Variants in ZFPM2 observed in about 807,000 individuals in gnomAD.
The protein encoded by ZFPM2 is zinc finger protein, FOG family member 2.
ZFPM2 carries 20 observed loss-of-function variants against 98.6 expected under a neutral mutation model. The observed-to-expected ratio is 0.20, with a 90% CI of 0.14 to 0.29. ZFPM2 has a LOEUF of 0.29. Ranked by LOEUF, ZFPM2 falls within the 10% of genes least tolerant of loss-of-function variation. The pLI is 1.00. For missense variants in ZFPM2, 1,310 were observed against 1,388.6 expected (o/e 0.94, Z 0.90); for synonymous variants, 518 against 502.7 (o/e 1.03, Z -0.41).
intron 3 of ZFPM2, among the ~76,000 whole-genome samples, chr8:105,491,374 A>T (rs1308523512): frequency 2.0e-5 from 3 of 152,196 alleles, no homozygotes; most frequent in Non-Finnish European, 4.4e-5. Context: ...GTGGTATTCA[A>T]TTATGCAATT....
chr8:105,779,774 C>G (rs577372366), intron 5 of ZFPM2, among the ~76,000 whole-genome samples: 1 of 152,146 alleles, frequency 6.6e-6, no homozygotes, highest in African/African-American at 2.4e-5. Context: ...GTCTGCATGA[C>G]ATTGTGCAGA....
At chr8:105,507,477 T>C (rs771457072) in intron 3 of ZFPM2, among the ~76,000 whole-genome samples, 19 of 152,238 alleles carry the variant, frequency 1.2e-4, no homozygotes, top group Non-Finnish European at 2.2e-4. Flanking sequence ...CTTAATCCAG[T>C]TGGGCCTCAC....
rs377340726 is a variant in ZFPM2, at chr8:105,419,244, C to G, written c.141C>G (p.Ser47=). 6.2e-7 allele frequency: 1 copy of G among 1,613,482 alleles called. No individual in the cohort carries two copies. The highest frequency in any genetic ancestry group is 1.1e-5 in the South Asian group (1 of 91,032). Residue 47 remains serine, a synonymous_variant, in exon 2 of 8, where the codon TCC becomes TCG. Transcript: ENST00000407775. ...KGDFPLEESF[S]TEFGPENLSC... is the part of the protein sequence containing the mutation. The stretch of plus-strand genomic sequence containing the variant: ...ACTTTCCATTGGAGGAAAGCTTTTC[C>G]ACAGAATTTGGGCCTGAAAATCTGA...
chr8:105,351,184 A>G (rs1812635749), intron 1 of ZFPM2, among the ~76,000 whole-genome samples: 1 of 151,830 alleles, frequency 6.6e-6, no homozygotes, highest in African/African-American at 2.4e-5. Flanking sequence ...AAAAAAAAAA[A>G]AAGAAAAAAA....
At chr8:105,449,234 G>A (rs1812438832) in intron 3 of ZFPM2, among the ~76,000 whole-genome samples, 1 of 151,978 alleles carries the variant, frequency 6.6e-6, no homozygotes, top group Non-Finnish European at 1.5e-5. Flanking sequence ...GCTTATAGCA[G>A]CTATAATTGA....
intron 3 of ZFPM2, among the ~76,000 whole-genome samples, chr8:105,472,467 C>A (rs1436383893): frequency 6.6e-6 from 1 of 152,108 alleles, no homozygotes; most frequent in Non-Finnish European, 1.5e-5. Context: ...AGATCACTGA[C>A]CTCTGACTTC....
At chr8:105,355,330 T>G (rs1482888314) in intron 1 of ZFPM2, among the ~76,000 whole-genome samples, 1 of 152,146 alleles carries the variant, frequency 6.6e-6, no homozygotes, top group Non-Finnish European at 1.5e-5. Context: ...TGCTAAGGAG[T>G]TTTGCACTGA....
At chr8:105,714,364 G>A (rs1228648380) in intron 5 of ZFPM2, among the ~76,000 whole-genome samples, 1 of 151,882 alleles carries the variant, frequency 6.6e-6, no homozygotes, top group Non-Finnish European at 1.5e-5. Flanking sequence ...GGAACCTTTT[G>A]GCAGAGTCTT....
At chr8:105,514,130 G>A (rs1813870108) in intron 3 of ZFPM2, among the ~76,000 whole-genome samples, 1 of 151,548 alleles carries the variant, frequency 6.6e-6, no homozygotes, top group South Asian at 2.1e-4. Context: ...AGCCTCCTGA[G>A]TAGCTGGGAT....
intron 5 of ZFPM2, among the ~76,000 whole-genome samples, chr8:105,648,548 T>A (rs1372520773): frequency 6.6e-6 from 1 of 152,196 alleles, no homozygotes; most frequent in African/African-American, 2.4e-5. Flanking sequence ...TTGAATTAAT[T>A]TTTATGTAAG....
At chr8:105,581,946 C>G (rs577236099) in intron 4 of ZFPM2, among the ~76,000 whole-genome samples, 1 of 152,294 alleles carries the variant, frequency 6.6e-6, no homozygotes, top group South Asian at 2.1e-4. Flanking sequence ...CTGTTTAACT[C>G]TGACACTCCT....
chr8:105,730,692 A>G (rs555934077), intron 5 of ZFPM2, among the ~76,000 whole-genome samples: 2 of 151,276 alleles, frequency 1.3e-5, no homozygotes, highest in African/African-American at 4.9e-5. Context: ...TACACACAGT[A>G]TATTAAAGGC....
At chr8:105,338,970 G>C (rs1409614294) in intron 1 of ZFPM2, among the ~76,000 whole-genome samples, 1 of 151,828 alleles carries the variant, frequency 6.6e-6, no homozygotes, top group Non-Finnish European at 1.5e-5. Flanking sequence ...TAGACCAGCA[G>C]AGTGGGGCAG....
intron 1 of ZFPM2, among the ~76,000 whole-genome samples, chr8:105,363,555 T>G (rs966456908): frequency 4.6e-5 from 7 of 152,160 alleles, no homozygotes; most frequent in Non-Finnish European, 1.0e-4. Context: ...ACACTTCATA[T>G]TAGACTCAGA....
chr8:105,673,187 CT>C (rs5893754), intron 5 of ZFPM2, among the ~76,000 whole-genome samples: 1,326 of 87,488 alleles, frequency 0.015, 23 homozygotes, highest in African/African-American at 0.057. Context: ...AAATAGCATG[CT>C]TTTTTTTTTT....
Position 105,459,654 on chromosome 8 carries a change from G to A in ZFPM2, c.301+15273G>A, listed in dbSNP as rs530189378. ...GCTTCCAGATGGCTGTCTTCTTGCT[G>A]CATCCTCGCCTTACTTTTTCTGCGT... is the stretch of plus-strand genomic sequence containing the variant. On this transcript the variant is annotated intron_variant, in intron 3 of 7. Coordinates refer to ENST00000407775, the MANE Select transcript of ZFPM2 (RefSeq NM_012082.4). Among the ~76,000 whole-genome samples the A allele has an allele frequency of 1.2e-4, 18 of 152,248 alleles. No homozygotes were observed. In the South Asian group the frequency reaches 3.7e-3, roughly 32 times the overall value.
Position 105,643,296 on chromosome 8 carries a change from A to G in ZFPM2, c.532+8939A>G, listed in dbSNP as rs77898863. On this transcript the variant is annotated intron_variant, in intron 5 of 7. Coordinates refer to ENST00000407775, the MANE Select transcript of ZFPM2 (RefSeq NM_012082.4). ...TTTTTCAACACCAAATGAACCTGCA[A>G]TCTACTCACTGCATCACCATCGTTT... Among the ~76,000 whole-genome samples the G allele has an allele frequency of 5.5e-3, 842 of 152,240 alleles. 5 individuals are homozygous for G. The highest frequency in any genetic ancestry group is 0.016 in the African/African-American group (646 of 41,538).
intron 3 of ZFPM2, among the ~76,000 whole-genome samples, chr8:105,481,043 C>T (rs779785057): frequency 7.9e-5 from 12 of 152,122 alleles, no homozygotes; most frequent in Non-Finnish European, 1.8e-4. Flanking sequence ...AGCCACCATG[C>T]CTGGCTGGGA....
chr8:105,391,838 A>G (rs1162165795), intron 1 of ZFPM2, among the ~76,000 whole-genome samples: 1 of 152,212 alleles, frequency 6.6e-6, no homozygotes, highest in Non-Finnish European at 1.5e-5. Flanking sequence ...TAAGTCATCC[A>G]TAAGAGTTGG....
Sources: gnomAD v4.1 joint callset for allele counts (sites outside exome capture counted in the v4.1 genomes callset) on GRCh38, gnomAD v4.1.1 for gene constraint, MANE v1.5 for transcripts, NCBI Gene and HGNC (gene_info 2026-07-23, HGNC 2026-07-21) for gene names.